Variants in PACRG observed in about 807,000 individuals in gnomAD.
PACRG encodes the protein parkin coregulated gene protein.
Under a neutral mutation model 29.7 loss-of-function variants are expected in PACRG, and 29 were observed. The observed-to-expected ratio is 0.98, with a 90% CI of 0.73 to 1.33. The LOEUF is 1.33. Among genes scored for constraint, PACRG ranks in the 40% most tolerant of loss-of-function variants. The pLI, the probability that PACRG is intolerant of heterozygous loss-of-function variation, is 0.00. For missense variants in PACRG, 279 were observed against 316.2 expected (o/e 0.88, Z 0.89); for synonymous variants, 116 against 118.7 (o/e 0.98, Z 0.15).
rs563653327 is a variant in PACRG at position 162,833,640 on chromosome 6, T to A, written c.291+19359T>A. Among the ~76,000 whole-genome samples the A allele has an allele frequency of 2.0e-5, 3 of 152,292 alleles. No individual in the cohort carries two copies. The South Asian group carries it at 6.2e-4, about 32-fold the overall frequency. On this transcript the variant is annotated intron_variant, in intron 2 of 4. Coordinates refer to ENST00000366888, the MANE Select transcript of PACRG (RefSeq NM_001080379.2). The stretch of plus-strand genomic sequence containing the variant: ...TGTTGAACCTTTTTTCATATGTTTG[T>A]TGGCTGCATAAGTGTCTTCTTTTGA...
chr6:163,075,872 C>T (rs546676789), intron 3 of PACRG, among the ~76,000 whole-genome samples: 6 of 152,192 alleles, frequency 3.9e-5, no homozygotes, highest in Non-Finnish European at 7.3e-5. Context: ...GACTGTGCAA[C>T]CTGTCTGTTG....
chr6:162,826,764 A>G (rs1207952345), intron 2 of PACRG, among the ~76,000 whole-genome samples: 1 of 152,140 alleles, frequency 6.6e-6, no homozygotes, highest in Non-Finnish European at 1.5e-5. Context: ...CACCCAGCCA[A>G]GATTTTAATT....
chr6:162,985,967 AAT>A (rs1554326534), intron 2 of PACRG, among the ~76,000 whole-genome samples: 5 of 123,148 alleles, frequency 4.1e-5, no homozygotes, highest in East Asian at 6.0e-4. Flanking sequence ...TAGCTGCAAA[AAT>A]AAAATAAAAT....
chr6:163,304,015 C>CAAAAAAAAAAAAAAAA (rs59861286), intron 4 of PACRG, among the ~76,000 whole-genome samples: 5 of 76,250 alleles, frequency 6.6e-5, no homozygotes, highest in African/African-American at 1.1e-4. Context: ...GACTCCATTT[C>CAAAAAAAAAAAAAAAA]AAAAAAAAAA....
At chr6:163,184,994 A>T (rs1201381109) in intron 4 of PACRG, 2 of 152,214 alleles carry the variant, frequency 1.3e-5, no homozygotes, top group African/African-American at 4.8e-5. Flanking sequence ...TTTTGTTTTC[A>T]TGGCATGATA....
intron 4 of PACRG, among the ~76,000 whole-genome samples, chr6:163,254,997 C>A (rs1042410172): frequency 6.6e-6 from 1 of 152,208 alleles, no homozygotes; most frequent in East Asian, 1.9e-4. Flanking sequence ...CTCCCTTACA[C>A]GTGAAACCGA....
intron 2 of PACRG, among the ~76,000 whole-genome samples, chr6:162,926,361 A>G (rs1797442332): frequency 6.6e-6 from 1 of 152,080 alleles, no homozygotes; most frequent in African/African-American, 2.4e-5. Context: ...CCTAAGCAAA[A>G]AGAACAAAGC....
chr6:163,114,190 C>T (rs1296672151), intron 4 of PACRG, among the ~76,000 whole-genome samples: 1 of 152,120 alleles, frequency 6.6e-6, no homozygotes, highest in African/African-American at 2.4e-5. Flanking sequence ...GTGGAGGTTT[C>T]AGTGAGTCGA....
chr6:162,947,545 CATATATAT>C, intron 2 of PACRG, among the ~76,000 whole-genome samples: 1 of 75,516 alleles, frequency 1.3e-5, no homozygotes, highest in East Asian at 3.3e-4. Flanking sequence ...CATATATAAT[CATATATAT>C]ATAATCATAT....
At chr6:163,285,869 G>A (rs547657624) in intron 4 of PACRG, among the ~76,000 whole-genome samples, 18 of 152,314 alleles carry the variant, frequency 1.2e-4, no homozygotes, top group African/African-American at 4.3e-4. Flanking sequence ...TGATTTGACT[G>A]TAGACTCTGA....
At chr6:163,095,717 T>C (rs77394803) in intron 4 of PACRG, among the ~76,000 whole-genome samples, 1,539 of 152,238 alleles carry the variant, frequency 0.01, 32 homozygotes, top group African/African-American at 0.036. Flanking sequence ...GTCTCTTCTC[T>C]TCCTATGAGA....
chr6:162,952,228 A>C (rs1799706089), intron 2 of PACRG, among the ~76,000 whole-genome samples: 1 of 152,194 alleles, frequency 6.6e-6, no homozygotes, highest in Non-Finnish European at 1.5e-5. Flanking sequence ...TAAAGGAAAA[A>C]TGGAACTTTA....
chr6:162,923,827 C>A (rs909779318), intron 2 of PACRG, among the ~76,000 whole-genome samples: 1 of 151,614 alleles, frequency 6.6e-6, no homozygotes, highest in African/African-American at 2.4e-5. Flanking sequence ...TTTTTATTTT[C>A]TTTTGTTTTG....
chr6:162,859,458 ACTGAGGAGTAT>A (rs1290378758), intron 2 of PACRG, among the ~76,000 whole-genome samples: 1 of 152,140 alleles, frequency 6.6e-6, no homozygotes, highest in African/African-American at 2.4e-5. Context: ...CACACGTTTA[ACTGAGGAGTAT>A]CAGGGTTCAG....
intron 2 of PACRG, among the ~76,000 whole-genome samples, chr6:162,988,325 A>G (rs186137597): frequency 1.3e-3 from 193 of 152,290 alleles, no homozygotes; most frequent in African/African-American, 4.3e-3. Context: ...AAAGAGGAGA[A>G]GGGTCAATCG....
At chr6:163,082,602 A>G (rs569715087) in intron 3 of PACRG, among the ~76,000 whole-genome samples, 1 of 152,324 alleles carries the variant, frequency 6.6e-6, no homozygotes, top group Non-Finnish European at 1.5e-5. Context: ...TGGAAAAGAT[A>G]GTCCCTTCTG....
intron 2 of PACRG, among the ~76,000 whole-genome samples, chr6:162,822,588 C>G (rs574757122): frequency 6.6e-6 from 1 of 152,124 alleles, no homozygotes; most frequent in African/African-American, 2.4e-5. Flanking sequence ...AAAAGAAAAC[C>G]CATCAACCTT....
At chr6:163,312,884 C>T (rs1283065343) in intron 4 of PACRG, 1 of 364,170 alleles carries the variant, frequency 2.7e-6, no homozygotes, top group African/African-American at 2.2e-5. Context: ...TCTCAAGTAG[C>T]TGAGATTATA....
At chr6:162,971,993 G>T (rs1383775817) in intron 2 of PACRG, among the ~76,000 whole-genome samples, 2 of 152,144 alleles carry the variant, frequency 1.3e-5, no homozygotes, top group African/African-American at 4.8e-5. Context: ...AGGCTCTAAG[G>T]CCTGTCTCAC....
Sources: allele counts gnomAD v4.1 joint callset (sites outside exome capture counted in the v4.1 genomes callset), GRCh38; gene constraint gnomAD v4.1.1; transcripts MANE v1.5; gene names NCBI Gene and HGNC (gene_info 2026-07-23, HGNC 2026-07-21).